The following CDYL2 variants were observed in gnomAD, a reference collection of about 807,000 sequenced individuals.
CDYL2 encodes the protein chromodomain Y like 2, also known as chromodomain Y-like protein 2.
Under a neutral mutation model 49.4 loss-of-function variants are expected in CDYL2, and 23 were observed. The observed-to-expected ratio is 0.47, with a 90% CI of 0.34 to 0.66. The LOEUF (loss-of-function observed/expected upper bound fraction) is 0.66, where lower values mean the gene tolerates loss of function less well. Among genes scored for constraint, CDYL2 ranks in the 30% least tolerant of loss-of-function variants. CDYL2 has a pLI of 0.01. For synonymous variants in CDYL2, 360 were observed against 268.8 expected (o/e 1.34, Z -3.32); for missense variants, 678 against 656.4 (o/e 1.03, Z -0.36).
chr16:80,792,898 G>A (rs534225905), intron 1 of CDYL2, among the ~76,000 whole-genome samples: 6 of 152,256 alleles, frequency 3.9e-5, no homozygotes, highest in East Asian at 1.9e-4. Context: ...ACTGGCCGAC[G>A]CTGGGATATA....
intron 1 of CDYL2, among the ~76,000 whole-genome samples, chr16:80,762,463 G>A (rs1364319301): frequency 1.3e-5 from 2 of 152,138 alleles, no homozygotes; most frequent in East Asian, 1.9e-4. Context: ...GGTGGGCAAC[G>A]CTAAAACCCA....
At chr16:80,724,417 A>G (rs1461678575) in intron 1 of CDYL2, among the ~76,000 whole-genome samples, 3 of 152,072 alleles carry the variant, frequency 2.0e-5, no homozygotes, top group Non-Finnish European at 4.4e-5. Flanking sequence ...TTTCTATGCC[A>G]TTAAGGTTCT....
At chr16:80,640,137 G>T (rs763645173) in intron 2 of CDYL2, among the ~76,000 whole-genome samples, 2 of 152,224 alleles carry the variant, frequency 1.3e-5, no homozygotes, top group Non-Finnish European at 2.9e-5. Flanking sequence ...ACCAGCTGGG[G>T]TGGCTAAGGG....
At chr16:80,688,354 T>C (rs1453760328) in intron 1 of CDYL2, among the ~76,000 whole-genome samples, 1 of 152,196 alleles carries the variant, frequency 6.6e-6, no homozygotes, top group Non-Finnish European at 1.5e-5. Context: ...TTTCTATCTG[T>C]ATGACCTTGG....
At chr16:80,670,212 C>T (rs897156301) in intron 2 of CDYL2, among the ~76,000 whole-genome samples, 1 of 152,180 alleles carries the variant, frequency 6.6e-6, no homozygotes, top group African/African-American at 2.4e-5. Context: ...GTGTCCCCAC[C>T]CAAATCTCAT....
At chr16:80,670,990 G>A (rs1429899658) in intron 2 of CDYL2, 18 of 455,838 alleles carry the variant, frequency 3.9e-5, no homozygotes, top group Non-Finnish European at 7.5e-5. Context: ...TCAGGATTTT[G>A]TCTCCTGGGT....
At chr16:80,757,667 T>G (rs1379448920) in intron 1 of CDYL2, among the ~76,000 whole-genome samples, 1 of 151,862 alleles carries the variant, frequency 6.6e-6, no homozygotes, top group Non-Finnish European at 1.5e-5. Context: ...TGACATTTTA[T>G]ATATTTAACA....
rs967080483 is a variant in CDYL2 at position 80,601,788 on chromosome 16, C to T, written c.*2600G>A. The T allele has an allele frequency of 6.6e-6, 1 of 152,196 alleles. No homozygotes were observed. The highest frequency in any genetic ancestry group is 1.5e-5 in the Non-Finnish European group (1 of 68,040). 9.4% of individuals were successfully genotyped at this position (152,196 alleles called of 1,614,324 possible). ...TGGAAACAACCAAAATACAGACTTT[C>T]ACCACCCCCGTTACACCCAGGACCT... On this transcript the variant is annotated 3_prime_UTR_variant, in exon 7 of 7. Transcript: ENST00000570137.
At chr16:80,642,451 T>C (rs1358710520) in intron 2 of CDYL2, among the ~76,000 whole-genome samples, 2 of 152,090 alleles carry the variant, frequency 1.3e-5, no homozygotes, top group Middle Eastern at 3.2e-3. Context: ...TAAAAAAAAT[T>C]ATATATTTAT....
Position 80,633,217 on chromosome 16 carries a change from C to A in CDYL2, c.636G>T (p.Gly212=), listed in dbSNP as rs151110430. Residue 212 remains glycine (G), a synonymous_variant, in exon 3 of 7, where the codon GGG becomes GGT. Transcript: ENST00000570137. ...ENGLGSALTN[G]GLNLHSPVKR... is the part of the protein sequence containing the mutation. The stretch of plus-strand genomic sequence containing the variant: ...TCACTGGACTGTGCAGGTTCAATCC[C>A]CCGTTGGTCAGAGCAGAGCCTTCCA... 1.4e-4 allele frequency: 219 copies of A among 1,614,152 alleles called. No homozygotes were observed. Among genetic ancestry groups the A allele is most frequent in the South Asian group, 6.8e-4 (62 of 91,080 alleles).
At chr16:80,787,187 G>C (rs1180921677) in intron 1 of CDYL2, among the ~76,000 whole-genome samples, 1 of 152,160 alleles carries the variant, frequency 6.6e-6, no homozygotes. Flanking sequence ...GTCTAGTTAA[G>C]AGACTATTGT....
At position 80,702,583 on chromosome 16, in the gene CDYL2, C is replaced by T. The variant is rs1000856193; in HGVS notation, c.25-17454G>A. 3.3e-5 allele frequency among the ~76,000 whole-genome samples: 5 copies of T among 152,190 alleles called. No homozygotes were observed. In the East Asian group the frequency reaches 9.7e-4, roughly 29 times the overall value. ...TGCGCAACAGAGTGACAACCCATCT[C>T]TACAAAAAATTTAAAAATTAGCTGG... On this transcript the variant is annotated intron_variant, in intron 1 of 6. Transcript: ENST00000570137.
intron 1 of CDYL2, among the ~76,000 whole-genome samples, chr16:80,780,061 T>A (rs1425861971): frequency 2.6e-5 from 4 of 152,124 alleles, no homozygotes; most frequent in African/African-American, 9.7e-5. Context: ...GTCCCAAACT[T>A]CATATAATCT....
chr16:80,746,546 G>C (rs1905937630), intron 1 of CDYL2, among the ~76,000 whole-genome samples: 3 of 152,200 alleles, frequency 2.0e-5, no homozygotes. Flanking sequence ...GACAGGAAAA[G>C]TAACCCCAAG....
chr16:80,744,230 G>A (rs977706516), intron 1 of CDYL2, among the ~76,000 whole-genome samples: 3 of 152,130 alleles, frequency 2.0e-5, no homozygotes, highest in African/African-American at 4.8e-5. Flanking sequence ...GGGAACACAC[G>A]CTGGGTCTGG....
At chr16:80,754,783 G>A (rs761095452) in intron 1 of CDYL2, among the ~76,000 whole-genome samples, 1 of 152,222 alleles carries the variant, frequency 6.6e-6, no homozygotes, top group Non-Finnish European at 1.5e-5. Context: ...CAAAGGGAGT[G>A]TGATGGGGTT....
intron 2 of CDYL2, among the ~76,000 whole-genome samples, chr16:80,682,941 A>G (rs767576906): frequency 1.3e-5 from 2 of 152,218 alleles, no homozygotes; most frequent in Non-Finnish European, 2.9e-5. Context: ...AAAGATGCTA[A>G]GTAAATCCTG....
intron 1 of CDYL2, among the ~76,000 whole-genome samples, chr16:80,699,591 T>C (rs772891833): frequency 7.2e-5 from 11 of 152,244 alleles, no homozygotes; most frequent in Non-Finnish European, 8.8e-5. Context: ...TAAGTTTTAA[T>C]GTTCTACAGC....
Position 80,633,056 on chromosome 16 carries a change from G to T in CDYL2, c.797C>A (p.Ser266Tyr). 1 of 1,614,140 alleles carries T rather than the reference G, an allele frequency of 6.2e-7. No individual in the cohort carries two copies. Among genetic ancestry groups the T allele is most frequent in the Non-Finnish European group, 8.5e-7 (1 of 1,180,014 alleles). Residue 266 changes from serine to tyrosine, a missense_variant, in exon 3 of 7, where the codon TCC becomes TAC. This residue lies in a region of CDYL2 where 478 missense variants were observed against 427.0 expected (regional missense o/e 1.12). Transcript: ENST00000570137. The stretch of plus-strand genomic sequence containing the variant: ...GGCATTGTTATCCGAGGTCTGACTG[G>T]ACAGCAGGATGTGCGTGAACCCTTC... ...KEEGFTHILL[S>Y]SQTSDNNALT...
Sources: gnomAD v4.1 joint callset for allele counts (sites outside exome capture counted in the v4.1 genomes callset) on GRCh38, gnomAD v4.1.1 for gene constraint, gnomAD v4.1.1 regional missense constraint, MANE v1.5 for transcripts, NCBI Gene and HGNC (gene_info 2026-07-23, HGNC 2026-07-21) for gene names.